THYN1: variants seen among roughly 807,000 people sequenced by gnomAD.
THYN1 encodes the protein thymocyte nuclear protein 1, also known as thymocyte protein thy28.
THYN1 carries 32 observed loss-of-function variants against 30.6 expected under a neutral mutation model. That is an observed-to-expected ratio of 1.05 (90% CI 0.79 to 1.40). The LOEUF (loss-of-function observed/expected upper bound fraction) is 1.40, where lower values mean the gene tolerates loss of function less well. THYN1 is among the 40% of genes most tolerant of loss of function. The probability of loss-of-function intolerance (pLI) is 0.00; values close to 1 mark genes in which losing one functional copy is unlikely to be tolerated. For synonymous variants in THYN1, 107 were observed against 90.8 expected (o/e 1.18, Z -1.01); for missense variants, 259 against 272.6 (o/e 0.95, Z 0.35).
In THYN1 at chr11:134,250,281, G is replaced by C. The variant is rs150735949; in HGVS notation, c.285C>G (p.Asn95Lys). 39 of 1,614,052 alleles carry C rather than the reference G, an allele frequency of 2.4e-5. No individual in the cohort carries two copies. Among genetic ancestry groups the C allele is most frequent in the Middle Eastern group, 3.3e-4 (2 of 6,084 alleles). Residue 95 changes from asparagine (N) to lysine (K), a missense_variant, in exon 3 of 7, where the codon AAC (asparagine) becomes AAG (lysine). Coordinates refer to ENST00000341541, the MANE Select transcript of THYN1 (RefSeq NM_014174.3). The stretch of plus-strand genomic sequence containing the variant: ...CTCCTCCTTACCCTCTTACCTGGTA[G>C]TTACGAACACCATCCCAGCATGTTG... Reference protein sequence around the residue: ...KQTTCWDGVRNYQARNFLRAM... With the variant: ...KQTTCWDGVRKYQARNFLRAM...
At position 134,252,978 on chromosome 11, in the gene THYN1, A is replaced by T; in HGVS notation, c.-96T>A. On this transcript the variant is annotated 5_prime_UTR_variant, in exon 1 of 7. Coordinates refer to ENST00000341541, the MANE Select transcript of THYN1 (RefSeq NM_014174.3). ...TCCTCCAAAACCCGCGCAGAGCGAG[A>T]TGGAGGCAACGAGAGGCAGCCTAGA... 4 of 1,490,624 alleles carry T rather than the reference A, an allele frequency of 2.7e-6. No homozygotes were observed. The highest frequency in any genetic ancestry group is 3.6e-6 in the Non-Finnish European group (4 of 1,123,626). The allele number at this position is 1,490,624 out of a possible 1,614,324, so 92.3% of individuals were successfully genotyped here.
In THYN1 at chr11:134,253,323, G is replaced by T; in HGVS notation, c.-441C>A. ...CCCAACACTCTGCAGACTCGACTGC[G>T]GTCCGCCTCCGCTGCGCCGCAGGCT... On this transcript the variant is annotated 5_prime_UTR_variant, in exon 1 of 7. Transcript: ENST00000341541. 1 of 1,400,018 alleles carries T rather than the reference G, an allele frequency of 7.1e-7. No individual in the cohort carries two copies. Among genetic ancestry groups the T allele is most frequent in the South Asian group, 1.5e-5 (1 of 65,292 alleles). 86.7% of individuals were successfully genotyped at this position (1,400,018 alleles called of 1,614,324 possible). A position where few individuals can be genotyped will look rare whatever the true frequency, so the allele number is the denominator to read the frequency against.
chr11:134,250,191 G>A (rs2136060654), intron 3 of THYN1, 84 bp downstream of exon 3: 1 of 1,500,538 alleles, frequency 6.7e-7, no homozygotes, highest in Non-Finnish European at 9.3e-7. Context: ...TTGGCCAAGA[G>A]GTTCTGCTAC....
At chr11:134,249,688 T>C in intron 4 of THYN1, 140 bp downstream of exon 4, 1 of 835,754 alleles carries the variant, frequency 1.2e-6, no homozygotes, top group South Asian at 1.7e-5. Context: ...CAGGGCAGTT[T>C]TTCCCTATTC....
At chr11:134,251,082 C>A (rs770476856) in intron 2 of THYN1, 48 bp downstream of exon 2, 1 of 1,539,370 alleles carries the variant, frequency 6.5e-7, no homozygotes, top group Non-Finnish European at 8.7e-7. Context: ...ATTCACTTCT[C>A]ATTTAAAAAA....
rs768267035 is a variant in THYN1 at position 134,249,860 on chromosome 11, A to G, written c.352T>C (p.Cys118Arg). Residue 118 changes from cysteine (C) to arginine (R), a missense_variant, in exon 4 of 7, where the codon TGC (cysteine) becomes CGC (arginine). Cys to Arg is a radical substitution (Grantham distance 180). Transcript: ENST00000341541. ...AGTCCTGCGATGCCTGGCTCTTTGC[A>G]GTTGCTATGGTAGAAGAAGGCTTCT... ...GEEAFFYHSN[C>R]KEPGIAGLMK... 1 of 1,614,156 alleles carries G rather than the reference A, an allele frequency of 6.2e-7. No individual in the cohort carries two copies. Among genetic ancestry groups the G allele is most frequent in the Non-Finnish European group, 8.5e-7 (1 of 1,180,028 alleles).
At chr11:134,249,987 T>G in intron 3 of THYN1, 67 bp from the exon 4 acceptor site, 1 of 1,494,238 alleles carries the variant, frequency 6.7e-7, no homozygotes, top group South Asian at 1.2e-5. Context: ...TTAGCAGAAA[T>G]CAAGTCTGCT....
chr11:134,249,487 A>G (rs1233659820), intron 4 of THYN1, among the ~76,000 whole-genome samples: 1 of 152,270 alleles, frequency 6.6e-6, no homozygotes, highest in Non-Finnish European at 1.5e-5. Flanking sequence ...CTCTAAAAAC[A>G]AATGGCAAAG....
chr11:134,251,221 G>A lies in THYN1; in HGVS notation c.131C>T (p.Ser44Leu). 1.2e-6 allele frequency: 2 copies of A among 1,614,230 alleles called. No individual in the cohort carries two copies. Among genetic ancestry groups the A allele is most frequent in the Non-Finnish European group, 1.7e-6 (2 of 1,180,038 alleles). ...KVEDSNPQKT[S>L]ATKNCLKNLS... ...ATTCTTCAAACAGTTTTTAGTGGCT[G>A]AAGTCTTCTGAGGGTTGGAGTCCTC... Residue 44 changes from serine (S) to leucine (L), a missense_variant, in exon 2 of 7, where the codon TCA (serine) becomes TTA (leucine). Coordinates refer to ENST00000341541, the MANE Select transcript of THYN1 (RefSeq NM_014174.3).
chr11:134,249,024 A>G (rs1414295537), intron 5 of THYN1, 65 bp from the exon 6 acceptor site: 2 of 1,596,814 alleles, frequency 1.3e-6, no homozygotes, highest in Non-Finnish European at 1.7e-6. Context: ...CTGTATTTTT[A>G]ACCGCCCACA....
In THYN1 at chr11:134,253,028, A is replaced by G; in HGVS notation, c.-146T>C. On this transcript the variant is annotated 5_prime_UTR_variant, in exon 1 of 7. Coordinates refer to ENST00000341541, the MANE Select transcript of THYN1 (RefSeq NM_014174.3). The stretch of plus-strand genomic sequence containing the variant: ...AACGTCTCCAACTTTTGCGAAACAC[A>G]GACGCCTACGTTTGAGCCCTCAAAT... 7.0e-7 allele frequency: 1 copy of G among 1,429,232 alleles called. No homozygotes were observed. The highest frequency in any genetic ancestry group is 3.0e-5 in the Admixed American group (1 of 32,864). The allele number at this position is 1,429,232 out of a possible 1,614,324, so 88.5% of individuals were successfully genotyped here.
At position 134,249,253 on chromosome 11, in the gene THYN1, C is replaced by T. The variant is rs1655946011; in HGVS notation, c.394G>A (p.Glu132Lys). 6.2e-7 allele frequency: 1 copy of T among 1,614,104 alleles called. No homozygotes were observed. The highest frequency in any genetic ancestry group is 1.7e-5 in the Admixed American group (1 of 60,004). ...GIAGLMKIVKEAYPDHTQFEK... is the reference protein window; with the variant it reads ...GIAGLMKIVKKAYPDHTQFEK... Reference sequence around the variant, plus strand: ...AACTGTGTGTGGTCTGGGTAAGCCTCTTTCACGATCTGAAACCAAAACAAA... The same window carrying T: ...AACTGTGTGTGGTCTGGGTAAGCCTTTTTCACGATCTGAAACCAAAACAAA... The change falls in exon 5 of 7, where the codon GAG becomes AAG. Residue 132 changes from glutamate (E) to lysine (K), a missense_variant. Physicochemically the swap from Glu to Lys is moderately conservative, Grantham distance 56. Coordinates refer to ENST00000341541, the MANE Select transcript of THYN1 (RefSeq NM_014174.3).
intron 4 of THYN1, 138 bp from the exon 5 acceptor site, chr11:134,249,400 G>T: frequency 1.3e-6 from 1 of 760,900 alleles, no homozygotes; most frequent in Non-Finnish European, 2.2e-6. Context: ...TGGGGGCTCA[G>T]ATATTTGGAA....
chr11:134,252,884 G>A lies in THYN1; in HGVS notation c.-2C>T. 3 of 1,601,254 alleles carry A rather than the reference G, an allele frequency of 1.9e-6. No individual in the cohort carries two copies. Among genetic ancestry groups the A allele is most frequent in the Non-Finnish European group, 2.6e-6 (3 of 1,176,178 alleles). ...CAGCCTCTTCCGGGGTCTCGACATGGTCACGCTGCAGGGGACTTTAGTGCG... is the reference window on the plus strand; with the variant it reads ...CAGCCTCTTCCGGGGTCTCGACATGATCACGCTGCAGGGGACTTTAGTGCG... On this transcript the variant is annotated 5_prime_UTR_variant, in exon 1 of 7. Coordinates refer to ENST00000341541, the MANE Select transcript of THYN1 (RefSeq NM_014174.3).
rs1300681163 is a variant in THYN1 at position 134,248,412 on chromosome 11, C to T, written c.*26G>A. The T allele has an allele frequency of 5.0e-6, 8 of 1,613,854 alleles. No individual in the cohort carries two copies. The highest frequency in any genetic ancestry group is 2.7e-5 in the African/African-American group (2 of 74,890). The stretch of plus-strand genomic sequence containing the variant: ...GCTTGACTTCTTTGCAGCAATGTCT[C>T]GCCCATTCCAGCAGCAGTATCTCAG... On this transcript the variant is annotated 3_prime_UTR_variant, in exon 7 of 7. Coordinates refer to ENST00000341541, the MANE Select transcript of THYN1 (RefSeq NM_014174.3).
In THYN1 at chr11:134,248,338, C is replaced by G. The variant is rs558787886; in HGVS notation, c.*100G>C. ...ACAAAAACCACTGAGGTACACAAGCCCAGGTAAGCATACCAAGCAAGCCCC... is the reference window on the plus strand; with the variant it reads ...ACAAAAACCACTGAGGTACACAAGCGCAGGTAAGCATACCAAGCAAGCCCC... On this transcript the variant is annotated 3_prime_UTR_variant, in exon 7 of 7. Coordinates refer to ENST00000341541, the MANE Select transcript of THYN1 (RefSeq NM_014174.3). 7.5e-7 allele frequency: 1 copy of G among 1,334,426 alleles called. No individual in the cohort carries two copies. The highest frequency in any genetic ancestry group is 1.4e-5 in the African/African-American group (1 of 69,116). The allele number at this position is 1,334,426 out of a possible 1,614,324, so 82.7% of individuals were successfully genotyped here. A position where few individuals can be genotyped will look rare whatever the true frequency, so the allele number is the denominator to read the frequency against.
At chr11:134,252,801 TTTC>T in intron 1 of THYN1, 36 bp downstream of exon 1, 1 of 1,613,152 alleles carries the variant, frequency 6.2e-7, no homozygotes, top group Non-Finnish European at 8.5e-7. Context: ...AGAAAAGTTT[TTTC>T]TTGGGCTGCC....
chr11:134,253,080 C>G lies in THYN1; in HGVS notation c.-198G>C. On this transcript the variant is annotated 5_prime_UTR_variant, in exon 1 of 7. Transcript: ENST00000341541. ...CTTCCCTCCGTTATCTGCGCCATTT[C>G]CATCTCGCATAACCTGCCCCTAAAC... 1.4e-6 allele frequency: 2 copies of G among 1,389,810 alleles called. No individual in the cohort carries two copies. Among genetic ancestry groups the G allele is most frequent in the South Asian group, 3.4e-5 (2 of 59,692 alleles). 86.1% of individuals were successfully genotyped at this position (1,389,810 alleles called of 1,614,324 possible).
At chr11:134,251,508 G>A in intron 1 of THYN1, 200 bp from the exon 2 acceptor site, 1 of 600,448 alleles carries the variant, frequency 1.7e-6, no homozygotes, top group Non-Finnish European at 2.8e-6. Flanking sequence ...GTATCTTCTG[G>A]ATTATCTATT....
Sources: gnomAD v4.1 joint callset for allele counts (sites outside exome capture counted in the v4.1 genomes callset) on GRCh38, gnomAD v4.1.1 for gene constraint, MANE v1.5 for transcripts, NCBI Gene and HGNC (gene_info 2026-07-23, HGNC 2026-07-21) for gene names.